The following NBPF12 variants were observed in gnomAD, a reference collection of about 807,000 sequenced individuals.
The protein encoded by NBPF12 is NBPF member 12.
Under a neutral mutation model 146.4 loss-of-function variants are expected in NBPF12, and 115 were observed. The ratio of observed to expected loss-of-function variants is 0.79; its 90% CI spans 0.68 to 0.92. The LOEUF (loss-of-function observed/expected upper bound fraction) is 0.92, where lower values mean the gene tolerates loss of function less well. Among genes scored for constraint, NBPF12 ranks in the 40% least tolerant of loss-of-function variants. The pLI is 0.00. For missense variants in NBPF12, 1,205 were observed against 1,326.8 expected (o/e 0.91, Z 1.43); for synonymous variants, 385 against 508.9 (o/e 0.76, Z 3.28).
chr1:146,955,508 TCTGCAACTGGTTAC>T (rs1655542785), intron 2 of NBPF12, among the ~76,000 whole-genome samples: 1 of 81,984 alleles, frequency 1.2e-5, no homozygotes, highest in Non-Finnish European at 2.2e-5. Flanking sequence ...AGTTTTGACT[TCTGCAACTGGTTAC>T]AGGGAAACGG....
rs1553886746 is a variant in NBPF12 at position 146,972,709 on chromosome 1, T to G, written c.1592-42T>G. On this transcript the variant is annotated intron_variant, in intron 13 of 33. Transcript: ENST00000617844. ...TCCTGATTAAGCCTATTTCATTTCA[T>G]CAGTTTTTAACCCATCATGTGTTTG... 8 of 1,388,134 alleles carry G rather than the reference T, an allele frequency of 5.8e-6. No homozygotes were observed. In the Admixed American group the frequency reaches 6.7e-5, roughly 12 times the overall value. The allele number at this position is 1,388,134 out of a possible 1,614,324, so 86.0% of individuals were successfully genotyped here.
intron 2 of NBPF12, among the ~76,000 whole-genome samples, chr1:146,953,862 G>C (rs1398793646): frequency 5.3e-5 from 8 of 152,032 alleles, no homozygotes; most frequent in African/African-American, 1.9e-4. Context: ...AATTAATAAA[G>C]TATTGAAAGA....
chr1:146,990,696 T>C (rs1658086244), intron 29 of NBPF12, among the ~76,000 whole-genome samples, 179 bp downstream of exon 32: 2 of 127,914 alleles, frequency 1.6e-5, no homozygotes, highest in African/African-American at 3.2e-5. Flanking sequence ...CCTCCCCTTG[T>C]CATTTACTAA....
At chr1:146,970,815 C>T (rs1455816846) in intron 12 of NBPF12, 96 bp downstream of exon 15, 72 of 1,124,996 alleles carry the variant, frequency 6.4e-5, no homozygotes, top group Middle Eastern at 2.9e-4. Context: ...GCCAAAAGCC[C>T]GCATTCCCTT....
exon 9 of NBPF12, chr1:146,966,618 G>A: frequency 6.6e-7 from 1 of 1,506,236 alleles, no homozygotes; most frequent in Non-Finnish European, 9.2e-7. Flanking sequence ...GCCTCAAAGA[G>A]AAATGTTTTG....
At chr1:146,962,137 C>A in intron 4 of NBPF12, 24 bp from the exon 8 acceptor site, 1 of 1,605,080 alleles carries the variant, frequency 6.2e-7, no homozygotes, top group South Asian at 1.1e-5. Context: ...TCCACTGAGG[C>A]AGGCGTGTCT....
At chr1:146,981,395 G>C (rs1462427307) in intron 19 of NBPF12, among the ~76,000 whole-genome samples, 1,866 of 149,948 alleles carry the variant, frequency 0.012, 29 homozygotes, top group African/African-American at 0.044. Flanking sequence ...ACTCTCTTCT[G>C]GCTTGTAGGG....
intron 8 of NBPF12, among the ~76,000 whole-genome samples, chr1:146,965,882 C>T (rs1433966423): frequency 3.8e-4 from 53 of 141,022 alleles, no homozygotes; most frequent in African/African-American, 1.2e-3. Flanking sequence ...CCGAGGTGGG[C>T]GGAACACCTG....
At chr1:146,969,038 A>C (rs1317136770) in intron 10 of NBPF12, among the ~76,000 whole-genome samples, 2,179 of 151,546 alleles carry the variant, frequency 0.014, 41 homozygotes, top group Non-Finnish European at 0.02. Context: ...TAGTGGCCGC[A>C]AGATGCACTA....
intron 4 of NBPF12, 25 bp downstream of exon 7, chr1:146,960,343 T>A (rs1655772381): frequency 1.8e-5 from 27 of 1,468,588 alleles, no homozygotes; most frequent in Non-Finnish European, 2.3e-5. Context: ...CTCACCATCA[T>A]GAAAGTGATG....
chr1:146,939,287 T>A (rs1350873273), intron 1 of NBPF12, among the ~76,000 whole-genome samples: 1 of 151,982 alleles, frequency 6.6e-6, no homozygotes, highest in Non-Finnish European at 1.5e-5. Flanking sequence ...TCTTCGGAAG[T>A]CCTGTGGAGC....
At chr1:146,939,355 G>A (rs1232172806) in intron 1 of NBPF12, among the ~76,000 whole-genome samples, 4 of 152,042 alleles carry the variant, frequency 2.6e-5, no homozygotes, top group Non-Finnish European at 4.4e-5. Context: ...GGGCAAGAGC[G>A]CTCGCGCCCC....
intron 2 of NBPF12, among the ~76,000 whole-genome samples, chr1:146,955,515 C>T: frequency 1.2e-5 from 1 of 86,558 alleles, no homozygotes; most frequent in Non-Finnish European, 2.2e-5. Flanking sequence ...ACTTCTGCAA[C>T]TGGTTACAGG....
intron 11 of NBPF12, among the ~76,000 whole-genome samples, chr1:146,969,844 C>G (rs1656467487): frequency 6.6e-6 from 1 of 151,020 alleles, no homozygotes; most frequent in Admixed American, 6.6e-5. Flanking sequence ...CAGCATCTAT[C>G]TAGTTTTAAA....
intron 21 of NBPF12, among the ~76,000 whole-genome samples, chr1:146,984,502 T>C (rs1657601700): frequency 6.6e-6 from 1 of 150,680 alleles, no homozygotes; most frequent in Non-Finnish European, 1.5e-5. Context: ...TCACTGTGTG[T>C]CCTGAGAGCA....
chr1:146,954,881 CCACACACACACACACAAA>C (rs1655499367), intron 2 of NBPF12, among the ~76,000 whole-genome samples: 2 of 102,994 alleles, frequency 1.9e-5, no homozygotes, highest in African/African-American at 7.4e-5. Context: ...GTATACACAC[CCACACACACACACACAAA>C]CGTGTGTGTG....
exon 11 of NBPF12, chr1:146,969,586 G>C: frequency 2.5e-6 from 4 of 1,610,046 alleles, no homozygotes; most frequent in Non-Finnish European, 1.7e-6. Context: ...TTGTCCAAAA[G>C]CTCAGCCCAG....
chr1:146,981,589 G>C (rs1173822834), intron 19 of NBPF12, among the ~76,000 whole-genome samples: 27 of 151,756 alleles, frequency 1.8e-4, no homozygotes, highest in African/African-American at 5.8e-4. Context: ...TCCTGAATTT[G>C]AATGTTGGCC....
chr1:146,977,078 T>G, intron 17 of NBPF12, 77 bp downstream of exon 20: 1 of 629,696 alleles, frequency 1.6e-6, no homozygotes, highest in South Asian at 1.9e-5. Flanking sequence ...CTCTCTGGCA[T>G]GTATGATGGG....
Sources: gnomAD v4.1 joint callset for allele counts (sites outside exome capture counted in the v4.1 genomes callset) on GRCh38, gnomAD v4.1.1 for gene constraint, MANE v1.5 for transcripts, NCBI Gene and HGNC (gene_info 2026-07-23, HGNC 2026-07-21) for gene names.